FSTL4: variants seen among roughly 807,000 people sequenced by gnomAD.
FSTL4 encodes the protein follistatin like 4.
FSTL4 carries 28 observed loss-of-function variants against 78.2 expected under a neutral mutation model. That is an observed-to-expected ratio of 0.36 (90% CI 0.27 to 0.49). FSTL4 has a LOEUF of 0.49. Among genes scored for constraint, FSTL4 ranks in the 20% least tolerant of loss-of-function variants. The pLI, the probability that FSTL4 is intolerant of heterozygous loss-of-function variation, is 0.98. For synonymous variants in FSTL4, 422 were observed against 440.5 expected (o/e 0.96, Z 0.53); for missense variants, 922 against 1,084.9 (o/e 0.85, Z 2.11).
At chr5:133,398,467 A>T (rs1756130326) in intron 4 of FSTL4, among the ~76,000 whole-genome samples, 1 of 152,076 alleles carries the variant, frequency 6.6e-6, no homozygotes, top group South Asian at 2.1e-4. Flanking sequence ...CCATTAAATA[A>T]TCTGGGCCCA....
intron 4 of FSTL4, among the ~76,000 whole-genome samples, chr5:133,353,603 G>C (rs1036814620): frequency 6.6e-6 from 1 of 152,158 alleles, no homozygotes; most frequent in Non-Finnish European, 1.5e-5. Context: ...GTGAGGTGGG[G>C]GTGGGACAAC....
At chr5:133,784,821 T>G in the FSTL4 span, among the ~76,000 whole-genome samples, 8 of 152,302 alleles carry the variant, frequency 5.3e-5, 1 homozygote, top group African/African-American at 1.9e-4. Context: ...TATGGTCCTG[T>G]GTGTTTCTAT....
the FSTL4 span, among the ~76,000 whole-genome samples, chr5:133,620,888 T>G: frequency 2.0e-5 from 3 of 152,164 alleles, no homozygotes; most frequent in African/African-American, 7.2e-5. Context: ...CTTAAAGAAC[T>G]AAAAGTAGAA....
chr5:133,809,891 A>C, the FSTL4 span, among the ~76,000 whole-genome samples: 1 of 152,200 alleles, frequency 6.6e-6, no homozygotes, highest in African/African-American at 2.4e-5. Context: ...AGCACCTGCT[A>C]TTTTCCAGGC....
intron 3 of FSTL4, among the ~76,000 whole-genome samples, chr5:133,450,408 T>C (rs1477434171): frequency 6.6e-6 from 1 of 152,228 alleles, no homozygotes; most frequent in Non-Finnish European, 1.5e-5. Context: ...GGGGAGGCTA[T>C]GGGCTCCGGC....
chr5:133,261,090 G>C (rs569087320), intron 6 of FSTL4, among the ~76,000 whole-genome samples: 1 of 152,192 alleles, frequency 6.6e-6, no homozygotes, highest in Non-Finnish European at 1.5e-5. Flanking sequence ...TCTGTGTATT[G>C]GTTGAGATGG....
At chr5:133,804,344 T>C in the FSTL4 span, among the ~76,000 whole-genome samples, 6 of 152,184 alleles carry the variant, frequency 3.9e-5, no homozygotes, top group African/African-American at 1.4e-4. Context: ...GCTGATATAG[T>C]GCAGTGCCCA....
the FSTL4 span, among the ~76,000 whole-genome samples, chr5:133,800,446 G>T: frequency 1.4e-5 from 2 of 138,802 alleles, no homozygotes; most frequent in Non-Finnish European, 3.2e-5. Context: ...TTTAAAAAAG[G>T]TCGGTGCATA....
rs577209284 is a variant in FSTL4 at position 133,311,191 on chromosome 5, T to C, written c.727+1463A>G. On this transcript the variant is annotated intron_variant, in intron 6 of 15. Transcript: ENST00000265342. Reference sequence around the variant, plus strand: ...GCTCTCATGAACCAGGTGTGGGGAGTTGTGGATACTTCCACACATTCCAAA... The same window carrying C: ...GCTCTCATGAACCAGGTGTGGGGAGCTGTGGATACTTCCACACATTCCAAA... Among the ~76,000 whole-genome samples the C allele has an allele frequency of 5.9e-5, 9 of 151,998 alleles. No individual in the cohort carries two copies. In the East Asian group the frequency reaches 1.5e-3, roughly 26 times the overall value.
At chr5:133,774,868 T>A in the FSTL4 span, among the ~76,000 whole-genome samples, 7 of 152,174 alleles carry the variant, frequency 4.6e-5, no homozygotes, top group Non-Finnish European at 7.3e-5. Context: ...TAGCAAGACA[T>A]GCATGCCAGA....
the FSTL4 span, among the ~76,000 whole-genome samples, chr5:133,827,295 T>C: frequency 6.6e-6 from 1 of 152,134 alleles, no homozygotes; most frequent in Non-Finnish European, 1.5e-5. Context: ...CTCTGACAGG[T>C]AATGAATCGT....
rs1456500034 is a variant in FSTL4 at position 133,199,018 on chromosome 5, T to G, written c.*77A>C. On this transcript the variant is annotated 3_prime_UTR_variant, in exon 16 of 16. Coordinates refer to ENST00000265342, the MANE Select transcript of FSTL4 (RefSeq NM_015082.2). This position sits in a 1 kb window ranked among gnomAD's most constrained non-coding sequence, Gnocchi z 4.4. ...AGGTTTTTGCTTTTGTCTGTAAAAATGTACAGCGTACCTGCTTGAGGCTGC... is the reference window on the plus strand; with the variant it reads ...AGGTTTTTGCTTTTGTCTGTAAAAAGGTACAGCGTACCTGCTTGAGGCTGC... The G allele has an allele frequency of 2.2e-6, 2 of 907,412 alleles. No individual in the cohort carries two copies. The highest frequency in any genetic ancestry group is 5.6e-5 in the Admixed American group (2 of 36,014). 56.2% of individuals were successfully genotyped at this position (907,412 alleles called of 1,614,324 possible). A position where few individuals can be genotyped will look rare whatever the true frequency, so the allele number is the denominator to read the frequency against.
chr5:133,316,112 T>A (rs1175152660), intron 5 of FSTL4, among the ~76,000 whole-genome samples: 2 of 152,214 alleles, frequency 1.3e-5, no homozygotes, highest in Admixed American at 1.3e-4. Flanking sequence ...ACTTGGGGAC[T>A]TCCAGGTTAT....
chr5:133,617,295 T>A, upstream of FSTL4, among the ~76,000 whole-genome samples: 1 of 75,918 alleles, frequency 1.3e-5, no homozygotes, highest in South Asian at 6.0e-4. Context: ...CGAGACTCCA[T>A]CTCAAAAAAA....
chr5:133,409,409 G>A (rs1014824147), intron 3 of FSTL4, among the ~76,000 whole-genome samples: 1 of 152,176 alleles, frequency 6.6e-6, no homozygotes, highest in African/African-American at 2.4e-5. Context: ...TTTGCACTGT[G>A]TGTCATCTCC....
the FSTL4 span, among the ~76,000 whole-genome samples, chr5:133,731,594 T>C: frequency 6.6e-6 from 1 of 152,082 alleles, no homozygotes; most frequent in Non-Finnish European, 1.5e-5. Context: ...GACTAGGTAT[T>C]TAGAGCTTGG....
the FSTL4 span, among the ~76,000 whole-genome samples, chr5:133,831,430 C>T: frequency 2.6e-5 from 4 of 152,180 alleles, no homozygotes; most frequent in African/African-American, 9.7e-5. Flanking sequence ...CCGAGAACTC[C>T]ACACGCAACC....
chr5:133,397,607 A>G (rs1462392236), intron 4 of FSTL4, among the ~76,000 whole-genome samples: 1 of 152,180 alleles, frequency 6.6e-6, no homozygotes, highest in East Asian at 1.9e-4. Flanking sequence ...GGTGAAGGCT[A>G]TGTGTCCCCC....
chr5:133,621,585 CT>C, the FSTL4 span, among the ~76,000 whole-genome samples: 1 of 152,118 alleles, frequency 6.6e-6, no homozygotes, highest in South Asian at 2.1e-4. Flanking sequence ...ATACAATGGA[CT>C]TTGGGGACTT....
Sources: allele counts gnomAD v4.1 joint callset (sites outside exome capture counted in the v4.1 genomes callset), GRCh38; gene constraint gnomAD v4.1.1; non-coding constraint Gnocchi (gnomAD v3.1); transcripts MANE v1.5; gene names NCBI Gene and HGNC (gene_info 2026-07-23, HGNC 2026-07-21).